Variants in MTMR9 observed in about 807,000 individuals in gnomAD.
MTMR9 encodes myotubularin-related protein 9.
A neutral mutation model predicts 69.5 loss-of-function variants in MTMR9; 39 were observed. The ratio of observed to expected loss-of-function variants is 0.56; its 90% CI spans 0.43 to 0.73. The LOEUF (loss-of-function observed/expected upper bound fraction) is 0.73, where lower values mean the gene tolerates loss of function less well. Among genes scored for constraint, MTMR9 ranks in the 30% least tolerant of loss-of-function variants. The pLI is 0.00. For missense variants in MTMR9, 900 were observed against 671.2 expected (o/e 1.34, Z -3.77); for synonymous variants, 354 against 240.8 (o/e 1.47, Z -4.35).
chr8:11,330,293 G>T (rs561243002), downstream of MTMR9, among the ~76,000 whole-genome samples: 11 of 150,262 alleles, frequency 7.3e-5, no homozygotes, highest in South Asian at 1.5e-3. Flanking sequence ...GGAGGGAGGT[G>T]GGGGGTCAGC....
At chr8:11,312,925 G>C in intron 6 of MTMR9, among the ~76,000 whole-genome samples, 1 of 152,196 alleles carries the variant, frequency 6.6e-6, no homozygotes, top group East Asian at 1.9e-4. Context: ...AGTGTGCAGT[G>C]ATGTTTTGAA....
downstream of MTMR9, among the ~76,000 whole-genome samples, chr8:11,330,246 G>C (rs544089342): frequency 0.071 from 10,620 of 150,062 alleles, 595 homozygotes; most frequent in Admixed American, 0.19. Context: ...GGAGGGAGGT[G>C]GAGGGTCAGC....
At chr8:11,336,692 T>A in the MTMR9 span, among the ~76,000 whole-genome samples, 1 of 152,174 alleles carries the variant, frequency 6.6e-6, no homozygotes, top group Non-Finnish European at 1.5e-5. Flanking sequence ...AGGTCCAATA[T>A]TTTTCTTCCT....
At chr8:11,291,311 C>G (rs956966750) in intron 1 of MTMR9, among the ~76,000 whole-genome samples, 1 of 151,918 alleles carries the variant, frequency 6.6e-6, no homozygotes, top group South Asian at 2.1e-4. Flanking sequence ...GTACTAGGAG[C>G]TGAGGATATA....
intron 8 of MTMR9, 89 bp from the exon 9 acceptor site, chr8:11,319,598 A>C (rs2117456525): frequency 1.5e-6 from 2 of 1,327,790 alleles, no homozygotes; most frequent in Middle Eastern, 2.6e-4. Context: ...CTTCTTTCAT[A>C]CTGAGAAGAA....
intron 6 of MTMR9, among the ~76,000 whole-genome samples, chr8:11,314,524 G>A (rs1800331658): frequency 6.6e-6 from 1 of 152,190 alleles, no homozygotes; most frequent in African/African-American, 2.4e-5. Context: ...TTTAGTGTAT[G>A]TCTATAGTTT....
In MTMR9 at chr8:11,316,882, T is replaced by C; in HGVS notation, c.1323T>C (p.Asn441=). The change falls in exon 8 of 10, where the codon AAT becomes AAC. Residue 441 remains asparagine (N), a synonymous_variant. Transcript: ENST00000221086. ...ASQFGTFLGN[N]ESERCKLKLQ... is the part of the protein sequence containing the mutation. ...AGTTTGGAACATTTCTGGGCAACAATGAAAGTGAAAGGTGAGTACACTGCT... is the reference window on the plus strand; with the variant it reads ...AGTTTGGAACATTTCTGGGCAACAACGAAAGTGAAAGGTGAGTACACTGCT... 1 of 1,598,134 alleles carries C rather than the reference T, an allele frequency of 6.3e-7. No individual in the cohort carries two copies. Among genetic ancestry groups the C allele is most frequent in the East Asian group, 2.2e-5 (1 of 44,812 alleles).
chr8:11,306,398 C>A lies in MTMR9; in HGVS notation c.800C>A (p.Ser267Tyr). ...HYPQWRRIHK[S>Y]IERYHILQES... is the part of the protein sequence containing the mutation. Reference sequence around the variant, plus strand: ...CCTCAGTGGAGGCGAATTCATAAGTCCATTGAGAGGTAAAAGATTCCAAAG... The same window carrying A: ...CCTCAGTGGAGGCGAATTCATAAGTACATTGAGAGGTAAAAGATTCCAAAG... The change falls in exon 5 of 10, where the codon TCC (serine) becomes TAC (tyrosine). Residue 267 changes from serine (S) to tyrosine (Y), a missense_variant. By Grantham distance (144) the Ser-to-Tyr change is moderately radical. Coordinates refer to ENST00000221086, the MANE Select transcript of MTMR9 (RefSeq NM_015458.4). The A allele has an allele frequency of 1.9e-6, 3 of 1,613,720 alleles. No homozygotes were observed. The South Asian group carries it at 3.3e-5, about 18-fold the overall frequency.
In MTMR9 at chr8:11,295,266, A is replaced by T; in HGVS notation, c.255A>T (p.Gly85=). The change falls in exon 2 of 10, where the codon GGA becomes GGT. Residue 85 remains glycine, a synonymous_variant. Transcript: ENST00000221086. The stretch of plus-strand genomic sequence containing the variant: ...GAATTATTCAGTTGGATATTCCTGG[A>T]ATGGAGGAATGCTTGAATATAGCCA... The part of the protein sequence containing the change: ...DFRIIQLDIP[G]MEECLNIASS... The T allele has an allele frequency of 6.2e-7, 1 of 1,609,880 alleles. No individual in the cohort carries two copies. The highest frequency in any genetic ancestry group is 8.5e-7 in the Non-Finnish European group (1 of 1,176,680).
At chr8:11,315,208 G>A in intron 7 of MTMR9, 144 bp downstream of exon 7, 1 of 998,412 alleles carries the variant, frequency 1.0e-6, no homozygotes, top group Non-Finnish European at 1.5e-6. Flanking sequence ...CAGTTAATCT[G>A]TCTTCTCCTT....
At chr8:11,309,083 A>C (rs536674254) in intron 5 of MTMR9, among the ~76,000 whole-genome samples, 1 of 152,274 alleles carries the variant, frequency 6.6e-6, no homozygotes, top group Non-Finnish European at 1.5e-5. Flanking sequence ...GTGATTTATA[A>C]GTGTCTCTAG....
rs373394583 is a variant in MTMR9, at chr8:11,296,052, T to A, written c.291+750T>A. The stretch of plus-strand genomic sequence containing the variant: ...TTGTAATAAATACAGTTCTAAAAAT[T>A]TGAATAGAAATATTAATAAATTAGA... On this transcript the variant is annotated intron_variant, in intron 2 of 9. Coordinates refer to ENST00000221086, the MANE Select transcript of MTMR9 (RefSeq NM_015458.4). Among the ~76,000 whole-genome samples, 21 of 152,054 alleles carry A rather than the reference T, an allele frequency of 1.4e-4. No individual in the cohort carries two copies. In the South Asian group the frequency reaches 1.9e-3, roughly 14 times the overall value.
downstream of MTMR9, among the ~76,000 whole-genome samples, chr8:11,328,373 T>TGTGTGTGTGTGTGTG (rs58161499): frequency 7.8e-6 from 1 of 128,914 alleles, no homozygotes; most frequent in Admixed American, 7.9e-5. Flanking sequence ...GTGTGTGTGT[T>TGTGTGTGTGTGTGTG]TGTTACACTG....
Position 11,315,038 on chromosome 8 carries a change from G to A in MTMR9, c.1087G>A (p.Ala363Thr). The A allele has an allele frequency of 6.2e-7, 1 of 1,613,734 alleles. No homozygotes were observed. Among genetic ancestry groups the A allele is most frequent in the Non-Finnish European group, 8.5e-7 (1 of 1,179,722 alleles). ...AAGCAGGACCATTCGTGGTTTTGAG[G>A]CCCTGATTGAAAGAGAGTGGCTGCA... ...PRSRTIRGFE[A>T]LIEREWLQAG... is the part of the protein sequence containing the mutation. Residue 363 changes from alanine (A) to threonine (T), a missense_variant, in exon 7 of 10, where the codon GCC becomes ACC. Physicochemically the swap from Ala to Thr is moderately conservative, Grantham distance 58. Coordinates refer to ENST00000221086, the MANE Select transcript of MTMR9 (RefSeq NM_015458.4).
chr8:11,309,829 T>A, intron 6 of MTMR9, 141 bp downstream of exon 6: 2 of 807,800 alleles, frequency 2.5e-6, no homozygotes, highest in East Asian at 5.3e-5. Context: ...CCATTATTGA[T>A]GAGGTGTGTG....
At chr8:11,289,158 G>A (rs978397650) in intron 1 of MTMR9, among the ~76,000 whole-genome samples, 2 of 152,168 alleles carry the variant, frequency 1.3e-5, no homozygotes, top group African/African-American at 2.4e-5. Context: ...GGGTGACAGA[G>A]TGAGTCTCTG....
chr8:11,336,468 T>C, the MTMR9 span, among the ~76,000 whole-genome samples: 2 of 152,214 alleles, frequency 1.3e-5, no homozygotes, highest in Non-Finnish European at 2.9e-5. Context: ...ATCTTCACAC[T>C]CTATGCCCAG....
chr8:11,305,895 C>T (rs1327691183), intron 4 of MTMR9, among the ~76,000 whole-genome samples: 1 of 152,148 alleles, frequency 6.6e-6, no homozygotes, highest in Non-Finnish European at 1.5e-5. Context: ...TCCAGGTCTA[C>T]AGGTATTTGA....
At chr8:11,331,845 C>T (rs1585150673), downstream of MTMR9, 2 of 1,611,974 alleles carry the variant, frequency 1.2e-6, no homozygotes, top group Non-Finnish European at 1.7e-6. Flanking sequence ...CCCCGTGTTG[C>T]CCAGTGACCT....
Sources: allele counts gnomAD v4.1 joint callset (sites outside exome capture counted in the v4.1 genomes callset), GRCh38; gene constraint gnomAD v4.1.1; transcripts MANE v1.5; gene names NCBI Gene and HGNC (gene_info 2026-07-23, HGNC 2026-07-21).